BTN1A1: variants seen among roughly 807,000 people sequenced by gnomAD.
The protein encoded by BTN1A1 is butyrophilin subfamily 1 member A1.
A neutral mutation model predicts 33.1 loss-of-function variants in BTN1A1; 26 were observed. The ratio of observed to expected loss-of-function variants is 0.79; its 90% CI spans 0.58 to 1.09. The LOEUF (loss-of-function observed/expected upper bound fraction) is 1.09, where lower values mean the gene tolerates loss of function less well. BTN1A1 is among the 50% of genes least tolerant of loss of function. BTN1A1 has a pLI of 0.00. For synonymous variants in BTN1A1, 235 were observed against 256.2 expected (o/e 0.92, Z 0.79); for missense variants, 558 against 655.7 (o/e 0.85, Z 1.63).
intron 1 of BTN1A1, among the ~76,000 whole-genome samples, chr6:26,500,613 C>A (rs1763785612): frequency 6.6e-6 from 1 of 152,096 alleles, no homozygotes; most frequent in South Asian, 2.1e-4. Context: ...ATACCAAATT[C>A]TTGTATTTGA....
Position 26,508,619 on chromosome 6 carries a change from C to T in BTN1A1, c.1026C>T (p.Asp342=), listed in dbSNP as rs748891499. Residue 342 remains aspartate (D), a synonymous_variant, in exon 8 of 8, where the codon GAC becomes GAT. Transcript: ENST00000684113. ...TGCCTGAGAAAACAGAGAGATTTGA[C>T]TCCTGGCCCTGTGTGTTGGGCCGTG... The part of the protein sequence containing the change: ...QKLPEKTERF[D]SWPCVLGRET... 3 of 1,614,090 alleles carry T rather than the reference C, an allele frequency of 1.9e-6. No homozygotes were observed. Among genetic ancestry groups the T allele is most frequent in the East Asian group, 4.5e-5 (2 of 44,896 alleles).
In BTN1A1 at chr6:26,509,295, C is replaced by A; in HGVS notation, c.*121C>A. The A allele has an allele frequency of 1.1e-6, 1 of 934,190 alleles. No homozygotes were observed. The highest frequency in any genetic ancestry group is 1.6e-6 in the Non-Finnish European group (1 of 625,062). 57.9% of individuals were successfully genotyped at this position (934,190 alleles called of 1,614,324 possible). ...CCTGTTGGGTGGCAATTAATTAATC[C>A]TGTGAAGGTTACATTGCTGCTGCTA... is the stretch of plus-strand genomic sequence containing the variant. On this transcript the variant is annotated 3_prime_UTR_variant, in exon 8 of 8. Coordinates refer to ENST00000684113, the MANE Select transcript of BTN1A1 (RefSeq NM_001732.3).
In BTN1A1 at chr6:26,501,760, G is replaced by A; in HGVS notation, c.250G>A (p.Glu84Lys). ...GGTGCATAGGGACGGGCGCGAGCAG[G>A]AAGCCGAGCAGATGCCCGAGTACCG... ...VLVHRDGREQ[E>K]AEQMPEYRGR... The change falls in exon 3 of 8, where the codon GAA becomes AAA. Residue 84 changes from glutamate (E) to lysine (K), a missense_variant. Transcript: ENST00000684113. The surrounding 1 kb of genome is among the most constrained non-coding windows in gnomAD (Gnocchi z 5.2). The A allele has an allele frequency of 6.2e-7, 1 of 1,613,746 alleles. No homozygotes were observed. The highest frequency in any genetic ancestry group is 8.5e-7 in the Non-Finnish European group (1 of 1,179,964).
Position 26,508,948 on chromosome 6 carries a change from T to C in BTN1A1, c.1355T>C (p.Phe452Ser). 6.2e-7 allele frequency: 1 copy of C among 1,614,220 alleles called. No homozygotes were observed. The part of the protein sequence containing the change: ...SDIYTFSNVT[F>S]SGPLRPFFCL... The stretch of plus-strand genomic sequence containing the variant: ...ATCTATACTTTCTCCAATGTCACTT[T>C]CTCTGGCCCCCTCCGGCCCTTCTTT... Residue 452 changes from phenylalanine (F) to serine (S), a missense_variant, in exon 8 of 8, where the codon TTC becomes TCC. Phe to Ser is a radical substitution (Grantham distance 155). Coordinates refer to ENST00000684113, the MANE Select transcript of BTN1A1 (RefSeq NM_001732.3).
rs749301249 is a variant in BTN1A1 at position 26,508,066 on chromosome 6, A to G, written c.886A>G (p.Lys296Glu). Residue 296 changes from lysine to glutamate, a missense_variant, in exon 7 of 8, where the codon AAA (lysine) becomes GAA (glutamate). Lys to Glu is a moderately conservative substitution (Grantham distance 56). Transcript: ENST00000684113. ...ATCTTTCTCTTTTGTTGCAGAATGGAAAAAGGCTACCTTGCATGCAGGTCA... is the reference window on the plus strand; with the variant it reads ...ATCTTTCTCTTTTGTTGCAGAATGGGAAAAGGCTACCTTGCATGCAGGTCA... ...KERLLEELKW[K>E]KATLHAVDVT... 6.2e-7 allele frequency: 1 copy of G among 1,611,666 alleles called. No homozygotes were observed. The highest frequency in any genetic ancestry group is 8.5e-7 in the Non-Finnish European group (1 of 1,179,072).
chr6:26,507,926 G>T (rs543080854), intron 5 of BTN1A1, 24 bp from the exon 6 acceptor site: 1 of 1,613,752 alleles, frequency 6.2e-7, no homozygotes, highest in South Asian at 1.1e-5. Flanking sequence ...GAAAGCCATT[G>T]AGGTATTTTT....
chr6:26,504,854 T>G, intron 3 of BTN1A1, 71 bp from the exon 4 acceptor site: 1 of 1,467,772 alleles, frequency 6.8e-7, no homozygotes, highest in Non-Finnish European at 9.4e-7. Flanking sequence ...TCTCAAACTA[T>G]GTAGCTCTCT....
Position 26,508,949 on chromosome 6 carries a change from C to T in BTN1A1, c.1356C>T (p.Phe452=). 6.2e-7 allele frequency: 1 copy of T among 1,614,216 alleles called. No individual in the cohort carries two copies. Among genetic ancestry groups the T allele is most frequent in the East Asian group, 2.2e-5 (1 of 44,880 alleles). The part of the protein sequence containing the change: ...SDIYTFSNVT[F]SGPLRPFFCL... Reference sequence around the variant, plus strand: ...TCTATACTTTCTCCAATGTCACTTTCTCTGGCCCCCTCCGGCCCTTCTTTT... The same window carrying T: ...TCTATACTTTCTCCAATGTCACTTTTTCTGGCCCCCTCCGGCCCTTCTTTT... The change falls in exon 8 of 8, where the codon TTC becomes TTT. Residue 452 remains phenylalanine, a synonymous_variant. Coordinates refer to ENST00000684113, the MANE Select transcript of BTN1A1 (RefSeq NM_001732.3).
In BTN1A1 at chr6:26,501,318, G is replaced by C. The variant is rs762204850; in HGVS notation, c.32G>C (p.Arg11Thr). 9.3e-6 allele frequency: 15 copies of C among 1,614,050 alleles called. No individual in the cohort carries two copies. Among genetic ancestry groups the C allele is most frequent in the African/African-American group, 2.7e-5 (2 of 74,920 alleles). ...GTTTTCCCAAGCTCCGGTCTCCCCA[G>C]ATGTCTGCTCACCCTCATTCTCCTC... MAVFPSSGLPRCLLTLILLQL... is the reference protein window; with the variant it reads MAVFPSSGLPTCLLTLILLQL... Residue 11 changes from arginine to threonine, a missense_variant, in exon 2 of 8, where the codon AGA becomes ACA. Arg to Thr is a moderately conservative substitution (Grantham distance 71). Transcript: ENST00000684113. The surrounding 1 kb of genome is among the most constrained non-coding windows in gnomAD (Gnocchi z 5.2).
chr6:26,501,075 T>A lies in BTN1A1; in HGVS notation c.-57-155T>A. 1 of 599,694 alleles carries A rather than the reference T, an allele frequency of 1.7e-6. No individual in the cohort carries two copies. The highest frequency in any genetic ancestry group is 3.0e-6 in the Non-Finnish European group (1 of 335,732). The allele number at this position is 599,694 out of a possible 1,614,324, so 37.1% of individuals were successfully genotyped here. A position where few individuals can be genotyped will look rare whatever the true frequency, so the allele number is the denominator to read the frequency against. On this transcript the variant is annotated intron_variant, in intron 1 of 7. Coordinates refer to ENST00000684113, the MANE Select transcript of BTN1A1 (RefSeq NM_001732.3). The surrounding 1 kb of genome is among the most constrained non-coding windows in gnomAD (Gnocchi z 5.2). ...GTGGGTGGGAAGGTGATAACCACAG[T>A]GTAAACTAAAAATCCATACTGGGGA...
At position 26,501,533 on chromosome 6, in the gene BTN1A1, T is replaced by C; in HGVS notation, c.80-57T>C. The C allele has an allele frequency of 6.2e-7, 1 of 1,601,858 alleles. No homozygotes were observed. Among genetic ancestry groups the C allele is most frequent in the Non-Finnish European group, 8.5e-7 (1 of 1,172,000 alleles). On this transcript the variant is annotated intron_variant, in intron 2 of 7. Coordinates refer to ENST00000684113, the MANE Select transcript of BTN1A1 (RefSeq NM_001732.3). This position sits in a 1 kb window ranked among gnomAD's most constrained non-coding sequence, Gnocchi z 5.2. ...TGCGCTTTGGCGGGAATCTGGTCGG[T>C]GTCTGTCCGTAGTTCCCATCTCCAC... is the stretch of plus-strand genomic sequence containing the variant.
At chr6:26,500,731 G>A (rs916610834) in intron 1 of BTN1A1, among the ~76,000 whole-genome samples, 2 of 152,090 alleles carry the variant, frequency 1.3e-5, no homozygotes, top group African/African-American at 2.4e-5. Context: ...CCTGGCCAAC[G>A]TGGTGAAACT....
In BTN1A1 at chr6:26,509,373, G is replaced by A. The variant is rs1763915112; in HGVS notation, c.*199G>A. ...TCTGTTTCTGTACCAATATTTGGGG[G>A]ATGGAGGGGTGACTCAAACTGCTTC... On this transcript the variant is annotated 3_prime_UTR_variant, in exon 8 of 8. Transcript: ENST00000684113. The A allele has an allele frequency of 1.7e-6, 1 of 578,190 alleles. No individual in the cohort carries two copies. The highest frequency in any genetic ancestry group is 3.0e-6 in the Non-Finnish European group (1 of 333,842). 35.8% of individuals were successfully genotyped at this position (578,190 alleles called of 1,614,324 possible). A position where few individuals can be genotyped will look rare whatever the true frequency, so the allele number is the denominator to read the frequency against.
Position 26,509,282 on chromosome 6 carries a change from C to A in BTN1A1, c.*108C>A, listed in dbSNP as rs1212642176. 4 of 1,060,360 alleles carry A rather than the reference C, an allele frequency of 3.8e-6. No homozygotes were observed. The highest frequency in any genetic ancestry group is 5.5e-6 in the Non-Finnish European group (4 of 733,638). The allele number at this position is 1,060,360 out of a possible 1,614,324, so 65.7% of individuals were successfully genotyped here. A position where few individuals can be genotyped will look rare whatever the true frequency, so the allele number is the denominator to read the frequency against. On this transcript the variant is annotated 3_prime_UTR_variant, in exon 8 of 8. Transcript: ENST00000684113. ...CAGTCTGTTTCTTCCTGTTGGGTGG[C>A]AATTAATTAATCCTGTGAAGGTTAC... is the stretch of plus-strand genomic sequence containing the variant.
intron 3 of BTN1A1, among the ~76,000 whole-genome samples, chr6:26,504,111 G>T (rs1763840529): frequency 6.6e-6 from 1 of 152,164 alleles, no homozygotes; most frequent in African/African-American, 2.4e-5. Context: ...CCACAATTAT[G>T]TGAGGGAATA....
chr6:26,508,630 G>C lies in BTN1A1; in HGVS notation c.1037G>C (p.Cys346Ser). The C allele has an allele frequency of 1.9e-6, 3 of 1,614,188 alleles. No homozygotes were observed. Among genetic ancestry groups the C allele is most frequent in the Non-Finnish European group, 2.5e-6 (3 of 1,180,040 alleles). The change falls in exon 8 of 8, where the codon TGT becomes TCT. Residue 346 changes from cysteine to serine, a missense_variant. Cys to Ser is a moderately radical substitution (Grantham distance 112). Coordinates refer to ENST00000684113, the MANE Select transcript of BTN1A1 (RefSeq NM_001732.3). ...EKTERFDSWP[C>S]VLGRETFTSG... is the part of the protein sequence containing the mutation. ...ACAGAGAGATTTGACTCCTGGCCCT[G>C]TGTGTTGGGCCGTGAGACCTTCACC...
intron 4 of BTN1A1, 28 bp from the exon 5 acceptor site, chr6:26,506,655 A>G: frequency 6.2e-7 from 1 of 1,611,220 alleles, no homozygotes; most frequent in Non-Finnish European, 8.5e-7. Context: ...TTTCTCAACT[A>G]ATGTCCTTCT....
At position 26,508,785 on chromosome 6, in the gene BTN1A1, T is replaced by C; in HGVS notation, c.1192T>C (p.Leu398=). 1.9e-6 allele frequency: 3 copies of C among 1,613,734 alleles called. No homozygotes were observed. The highest frequency in any genetic ancestry group is 8.5e-7 in the Non-Finnish European group (1 of 1,179,912). ...TPENGFWAVE[L]YGNGYWALTP... ...TGAGAATGGGTTCTGGGCTGTAGAG[T>C]TGTATGGAAATGGGTACTGGGCCCT... The change falls in exon 8 of 8, where the codon TTG becomes CTG. Residue 398 remains leucine (L), a synonymous_variant. Coordinates refer to ENST00000684113, the MANE Select transcript of BTN1A1 (RefSeq NM_001732.3).
At chr6:26,505,495 G>C (rs1422352026) in intron 4 of BTN1A1, among the ~76,000 whole-genome samples, 1 of 152,194 alleles carries the variant, frequency 6.6e-6, no homozygotes, top group African/African-American at 2.4e-5. Flanking sequence ...AATGATCTCA[G>C]CTCACTGCAA....
Sources: gnomAD v4.1 joint callset for allele counts (sites outside exome capture counted in the v4.1 genomes callset) on GRCh38, gnomAD v4.1.1 for gene constraint, Gnocchi (gnomAD v3.1) non-coding constraint, MANE v1.5 for transcripts, NCBI Gene and HGNC (gene_info 2026-07-23, HGNC 2026-07-21) for gene names.